The following PRKD1 variants were observed in gnomAD, a reference collection of about 807,000 sequenced individuals.
PRKD1 encodes serine/threonine-protein kinase D1.
A neutral mutation model predicts 95.9 loss-of-function variants in PRKD1; 63 were observed. The ratio of observed to expected loss-of-function variants is 0.66; its 90% CI spans 0.54 to 0.81. The LOEUF is 0.81. PRKD1 is among the 30% of genes least tolerant of loss of function. The pLI is 0.00. For missense variants in PRKD1, 1,048 were observed against 1,165.3 expected, an observed-to-expected ratio of 0.90 and a Z score of 1.47; for synonymous variants, 425 against 423.1, an observed-to-expected ratio of 1.00 and a Z score of -0.05.
intron 1 of PRKD1, among the ~76,000 whole-genome samples, chr14:29,902,802 C>T (rs1214415830): frequency 6.7e-6 from 1 of 149,270 alleles, no homozygotes; most frequent in African/African-American, 2.5e-5. Context: ...TTTCTAATTA[C>T]TTTTATTATG....
chr14:29,652,716 T>C (rs1881586329), intron 4 of PRKD1: 1 of 152,216 alleles, frequency 6.6e-6, no homozygotes, highest in Non-Finnish European at 1.5e-5. Context: ...TCATGGTGCA[T>C]ATTTAAATGG....
intron 1 of PRKD1, among the ~76,000 whole-genome samples, chr14:29,796,132 G>C (rs1191686739): frequency 1.3e-5 from 2 of 152,076 alleles, no homozygotes; most frequent in African/African-American, 2.4e-5. Context: ...CATTGTGTTG[G>C]CATGAATTAC....
At chr14:29,920,062 AAGGAAAGAAG>A (rs1231720664) in intron 1 of PRKD1, among the ~76,000 whole-genome samples, 57 of 131,580 alleles carry the variant, frequency 4.3e-4, no homozygotes, top group East Asian at 3.2e-3. Context: ...GGAAGGAAGG[AAGGAAAGAAG>A]GAAGGAAGGA....
intron 1 of PRKD1, among the ~76,000 whole-genome samples, chr14:29,749,394 C>T (rs45442991): frequency 1.0e-3 from 158 of 152,196 alleles, no homozygotes; most frequent in African/African-American, 3.6e-3. Context: ...GAATATATGC[C>T]GGCTATGTCT....
intron 4 of PRKD1, among the ~76,000 whole-genome samples, chr14:29,641,695 C>T (rs914330180): frequency 6.6e-6 from 1 of 152,000 alleles, no homozygotes; most frequent in Non-Finnish European, 1.5e-5. Flanking sequence ...TCCCTAAGCG[C>T]TTATAGGGTT....
chr14:29,627,764 T>C (rs1879720938), intron 11 of PRKD1, among the ~76,000 whole-genome samples: 1 of 152,162 alleles, frequency 6.6e-6, no homozygotes, highest in Non-Finnish European at 1.5e-5. Flanking sequence ...ATCTTTTTCC[T>C]TTGTTCTTCC....
At chr14:29,610,447 G>A (rs974474153) in intron 13 of PRKD1, among the ~76,000 whole-genome samples, 1 of 152,124 alleles carries the variant, frequency 6.6e-6, no homozygotes, top group East Asian at 1.9e-4. Context: ...TCAGGGAAAT[G>A]CAAAATAAAA....
At chr14:29,801,964 A>C (rs1890051413) in intron 1 of PRKD1, among the ~76,000 whole-genome samples, 1 of 152,254 alleles carries the variant, frequency 6.6e-6, no homozygotes, top group South Asian at 2.1e-4. Flanking sequence ...CTGGGATTAC[A>C]GGCATGAGCC....
chr14:29,622,838 T>C (rs1458446329), intron 13 of PRKD1, among the ~76,000 whole-genome samples: 2 of 152,196 alleles, frequency 1.3e-5, no homozygotes, highest in South Asian at 4.1e-4. Context: ...CAGTAAAATA[T>C]AGAAAGATGT....
At position 29,611,157 on chromosome 14, in the gene PRKD1, T is replaced by C. The variant is rs560000180; in HGVS notation, c.1906-11340A>G. Among the ~76,000 whole-genome samples, 5 of 152,332 alleles carry C rather than the reference T, an allele frequency of 3.3e-5. No homozygotes were observed. In the East Asian group the frequency reaches 9.6e-4, roughly 29 times the overall value. ...GTAAACTATGGACTTCAGGTAATTA[T>C]GATGTGTTAAGGTGGGTTCATCCAC... is the stretch of plus-strand genomic sequence containing the variant. On this transcript the variant is annotated intron_variant, in intron 13 of 17. Coordinates refer to ENST00000331968, the MANE Select transcript of PRKD1 (RefSeq NM_002742.3).
intron 14 of PRKD1, among the ~76,000 whole-genome samples, chr14:29,599,410 T>C (rs1378542320): frequency 1.3e-5 from 2 of 152,212 alleles, no homozygotes; most frequent in Non-Finnish European, 2.9e-5. Flanking sequence ...TAAACCAATG[T>C]ACATTTTAAA....
intron 10 of PRKD1, 94 bp downstream of exon 10, chr14:29,630,648 C>A (rs1879936812): frequency 6.7e-7 from 1 of 1,498,126 alleles, no homozygotes; most frequent in South Asian, 1.2e-5. Flanking sequence ...AGTCTTTCTT[C>A]ATTCTGTTCT....
chr14:29,907,601 A>G (rs943822630), intron 1 of PRKD1, among the ~76,000 whole-genome samples: 3 of 152,342 alleles, frequency 2.0e-5, no homozygotes, highest in Non-Finnish European at 2.9e-5. Flanking sequence ...CTTTTTGTAT[A>G]AACCAAAGTT....
rs113922611 is a variant in PRKD1, at chr14:29,826,774, T to C, written c.264+100475A>G. Among the ~76,000 whole-genome samples the C allele has an allele frequency of 8.0e-5, 3 of 37,438 alleles. 1 individual carries two copies. Among genetic ancestry groups the C allele is most frequent in the East Asian group, 1.9e-3 (2 of 1,060 alleles). 24.6% of individuals were successfully genotyped at this position (37,438 alleles called of 152,430 possible). A position where few individuals can be genotyped will look rare whatever the true frequency, so the allele number is the denominator to read the frequency against. On this transcript the variant is annotated intron_variant, in intron 1 of 17. Transcript: ENST00000331968. ...ATATATATACATATATATATACACA[T>C]ATATATACATATATACACATATATA... is the stretch of plus-strand genomic sequence containing the variant.
chr14:29,713,905 G>T (rs1182065105), intron 2 of PRKD1, among the ~76,000 whole-genome samples: 1 of 152,122 alleles, frequency 6.6e-6, no homozygotes, highest in Non-Finnish European at 1.5e-5. Flanking sequence ...AGTAAACGTG[G>T]CAGCTACTGA....
At chr14:29,653,853 G>C (rs932979177) in intron 4 of PRKD1, among the ~76,000 whole-genome samples, 3 of 152,090 alleles carry the variant, frequency 2.0e-5, no homozygotes, top group African/African-American at 7.2e-5. Context: ...ATTCACCATG[G>C]CTGAAATACA....
intron 2 of PRKD1, among the ~76,000 whole-genome samples, chr14:29,684,912 G>A (rs1321782934): frequency 2.6e-5 from 4 of 152,154 alleles, no homozygotes; most frequent in Non-Finnish European, 4.4e-5. Context: ...TGCTTTTCAT[G>A]CTTTGATTTC....
At chr14:29,725,297 GA>G (rs1303479766) in intron 2 of PRKD1, among the ~76,000 whole-genome samples, 1 of 152,166 alleles carries the variant, frequency 6.6e-6, no homozygotes, top group African/African-American at 2.4e-5. Flanking sequence ...TAGAGGCTGA[GA>G]GGGGGCTGGG....
intron 2 of PRKD1, among the ~76,000 whole-genome samples, chr14:29,692,615 A>G (rs555708875): frequency 6.6e-6 from 1 of 152,222 alleles, no homozygotes; most frequent in South Asian, 2.1e-4. Context: ...TTTTGTAATT[A>G]AAGCTCAGTT....
Sources: allele counts gnomAD v4.1 joint callset (sites outside exome capture counted in the v4.1 genomes callset), GRCh38; gene constraint gnomAD v4.1.1; transcripts MANE v1.5; gene names NCBI Gene and HGNC (gene_info 2026-07-23, HGNC 2026-07-21).